Variants in GNAI1 observed in about 807,000 individuals in gnomAD.
GNAI1 encodes the protein guanine nucleotide-binding protein G(i) subunit alpha-1.
Under a neutral mutation model 38.9 loss-of-function variants are expected in GNAI1, and 11 were observed. That is an observed-to-expected ratio of 0.28 (90% CI 0.18 to 0.47). GNAI1 has a LOEUF of 0.47. GNAI1 is among the 20% of genes least tolerant of loss of function. The pLI is 0.99. For synonymous variants in GNAI1, 166 were observed against 145.1 expected, an observed-to-expected ratio of 1.14 and a Z score of -1.04; for missense variants, 317 against 436.9, an observed-to-expected ratio of 0.73 and a Z score of 2.45.
At chr7:80,190,801 G>A (rs1378162362) in intron 3 of GNAI1, among the ~76,000 whole-genome samples, 1 of 152,072 alleles carries the variant, frequency 6.6e-6, no homozygotes, top group Non-Finnish European at 1.5e-5. Flanking sequence ...CTCCATTTTA[G>A]GAGATCATGA....
chr7:80,186,329 C>T (rs1280060101), intron 1 of GNAI1, among the ~76,000 whole-genome samples: 1 of 152,148 alleles, frequency 6.6e-6, no homozygotes, highest in Non-Finnish European at 1.5e-5. Context: ...CCGTGCCTGG[C>T]CCCCCACTCT....
chr7:80,170,708 A>T (rs1447018394), intron 1 of GNAI1, among the ~76,000 whole-genome samples: 1 of 151,970 alleles, frequency 6.6e-6, no homozygotes, highest in Non-Finnish European at 1.5e-5. Context: ...CAGATAACTC[A>T]CTCACTATCA....
chr7:80,175,408 A>G (rs1192506583), intron 1 of GNAI1, among the ~76,000 whole-genome samples: 6 of 152,018 alleles, frequency 3.9e-5, no homozygotes, highest in Non-Finnish European at 8.8e-5. Flanking sequence ...AAAGACATCA[A>G]CATTTGGTCC....
intron 1 of GNAI1, among the ~76,000 whole-genome samples, chr7:80,138,352 T>TA (rs752121542): frequency 1.3e-5 from 2 of 152,098 alleles, no homozygotes; most frequent in Admixed American, 6.6e-5. Flanking sequence ...AATTAGGCCT[T>TA]AAAAAAAGAG....
chr7:80,148,736 T>C (rs1325438582), intron 1 of GNAI1, among the ~76,000 whole-genome samples: 1 of 152,144 alleles, frequency 6.6e-6, no homozygotes, highest in African/African-American at 2.4e-5. Flanking sequence ...TAAGGGTTTG[T>C]CTTTATTTCT....
At chr7:80,203,883 C>A in intron 5 of GNAI1, 51 bp downstream of exon 5, 1 of 1,049,988 alleles carries the variant, frequency 9.5e-7, no homozygotes, top group Non-Finnish European at 1.4e-6. Context: ...AAACACATTG[C>A]TTTAGAAATA....
intron 6 of GNAI1, among the ~76,000 whole-genome samples, chr7:80,211,565 C>A (rs185631928): frequency 6.6e-6 from 1 of 151,858 alleles, no homozygotes; most frequent in East Asian, 1.9e-4. Context: ...ATTACAGGCA[C>A]GTGCCACCAC....
At chr7:80,172,855 A>G (rs1192264531) in intron 1 of GNAI1, among the ~76,000 whole-genome samples, 2 of 152,166 alleles carry the variant, frequency 1.3e-5, no homozygotes, top group Non-Finnish European at 2.9e-5. Context: ...GTTTATTTGC[A>G]TAATATTAGA....
intron 1 of GNAI1, among the ~76,000 whole-genome samples, chr7:80,156,700 A>T (rs954106681): frequency 6.6e-6 from 1 of 152,118 alleles, no homozygotes; most frequent in African/African-American, 2.4e-5. Flanking sequence ...TTCCAAAGTG[A>T]TGGAGTTACA....
At chr7:80,206,833 G>T (rs1309112038) in intron 5 of GNAI1, among the ~76,000 whole-genome samples, 1 of 152,110 alleles carries the variant, frequency 6.6e-6, no homozygotes, top group East Asian at 1.9e-4. Flanking sequence ...AGCACAGTAA[G>T]AGACTAACAA....
chr7:80,188,911 T>G (rs1446663113), intron 1 of GNAI1, 40 bp from the exon 2 acceptor site: 1 of 1,310,634 alleles, frequency 7.6e-7, no homozygotes, highest in Non-Finnish European at 1.1e-6. Flanking sequence ...CTTAAGTGAT[T>G]ATGATGAAAT....
chr7:80,138,849 T>G (rs1172958265), intron 1 of GNAI1, among the ~76,000 whole-genome samples: 1 of 151,998 alleles, frequency 6.6e-6, no homozygotes, highest in East Asian at 1.9e-4. Flanking sequence ...ATATTCCAGG[T>G]TTGGGGGAAA....
intron 1 of GNAI1, among the ~76,000 whole-genome samples, chr7:80,140,622 A>G (rs1017188215): frequency 6.6e-5 from 10 of 152,176 alleles, no homozygotes; most frequent in African/African-American, 9.7e-5. Flanking sequence ...CCCAGACTCC[A>G]TTTGAGTCTT....
chr7:80,162,261 G>C (rs1013528095), intron 1 of GNAI1, among the ~76,000 whole-genome samples: 33 of 152,102 alleles, frequency 2.2e-4, no homozygotes, highest in African/African-American at 7.7e-4. Flanking sequence ...TCAGAAATAA[G>C]TGCTTGTTGT....
chr7:80,208,306 TGAA>T (rs904839452), intron 5 of GNAI1, among the ~76,000 whole-genome samples: 2 of 152,202 alleles, frequency 1.3e-5, no homozygotes, highest in Non-Finnish European at 2.9e-5. Context: ...TATAAAATAA[TGAA>T]GATACTTCTA....
chr7:80,183,640 G>GA (rs946343947), intron 1 of GNAI1, among the ~76,000 whole-genome samples: 124 of 141,052 alleles, frequency 8.8e-4, no homozygotes, highest in Middle Eastern at 3.7e-3. Flanking sequence ...TTCTTTGAAA[G>GA]AAAAAAAAAA....
intron 1 of GNAI1, among the ~76,000 whole-genome samples, chr7:80,156,029 CA>C (rs1787811466): frequency 8.8e-6 from 1 of 114,248 alleles, no homozygotes; most frequent in African/African-American, 3.6e-5. Context: ...GGCAACAGAG[CA>C]AGACTCTGTC....
At chr7:80,203,349 C>G (rs1420178395) in intron 4 of GNAI1, among the ~76,000 whole-genome samples, 1 of 151,304 alleles carries the variant, frequency 6.6e-6, no homozygotes, top group Non-Finnish European at 1.5e-5. Flanking sequence ...AGTGCTATAT[C>G]CAAAAGGTGT....
In GNAI1 at chr7:80,199,200, T is replaced by TA. The variant is rs766388891; in HGVS notation, c.304-19dup. 34 of 1,554,466 alleles carry TA rather than the reference T, an allele frequency of 2.2e-5. No homozygotes were observed. The East Asian group carries it at 4.8e-4, about 22-fold the overall frequency. On this transcript the variant is annotated intron_variant, in intron 3 of 7. Coordinates refer to ENST00000649796, the MANE Select transcript of GNAI1 (RefSeq NM_002069.6). ...TATCTCTGACGTATCCCTTTTTACT[T>TA]AAAAAATGTCCTTTGAATGTTCAGG...
Sources: gnomAD v4.1 joint callset for allele counts (sites outside exome capture counted in the v4.1 genomes callset) on GRCh38, gnomAD v4.1.1 for gene constraint, MANE v1.5 for transcripts, NCBI Gene and HGNC (gene_info 2026-07-23, HGNC 2026-07-21) for gene names.